ALOX5: variants seen among roughly 807,000 people sequenced by gnomAD.
ALOX5 encodes the protein arachidonate 5-lipoxygenase.
ALOX5 carries 64 observed loss-of-function variants against 87.9 expected under a neutral mutation model. The observed-to-expected ratio is 0.73, with a 90% CI of 0.60 to 0.90. ALOX5 has a LOEUF of 0.90. Ranked by LOEUF, ALOX5 falls within the 40% of genes least tolerant of loss-of-function variation. The probability of loss-of-function intolerance (pLI) is 0.00; values close to 1 mark genes in which losing one functional copy is unlikely to be tolerated. For synonymous variants in ALOX5, 388 were observed against 355.1 expected, an observed-to-expected ratio of 1.09 and a Z score of -1.04; for missense variants, 822 against 907.5, an observed-to-expected ratio of 0.91 and a Z score of 1.21.
chr10:45,440,154 CTG>C (rs1464469797), intron 7 of ALOX5, among the ~76,000 whole-genome samples: 1 of 152,220 alleles, frequency 6.6e-6, no homozygotes, highest in African/African-American at 2.4e-5. Context: ...TCCTGAGTAA[CTG>C]TGAGCCGAGC....
intron 3 of ALOX5, among the ~76,000 whole-genome samples, chr10:45,403,020 G>C (rs1479672450): frequency 6.6e-6 from 1 of 152,158 alleles, no homozygotes; most frequent in Non-Finnish European, 1.5e-5. Flanking sequence ...GATCCAGAGG[G>C]CTGGGAACAC....
intron 2 of ALOX5, among the ~76,000 whole-genome samples, chr10:45,386,138 A>G (rs1840000650): frequency 6.6e-6 from 1 of 152,066 alleles, no homozygotes; most frequent in African/African-American, 2.4e-5. Flanking sequence ...CGTCTCTACT[A>G]AAAATACAAA....
chr10:45,414,577 A>G (rs1318671015), intron 4 of ALOX5, among the ~76,000 whole-genome samples: 1 of 152,240 alleles, frequency 6.6e-6, no homozygotes, highest in East Asian at 1.9e-4. Context: ...CAAAAGCCAA[A>G]ATGGACAAAT....
At position 45,424,963 on chromosome 10, in the gene ALOX5, G is replaced by A. The variant is rs759477547; in HGVS notation, c.665G>A (p.Arg222Gln). ...GGCCTCGCTTTTCTCCTGGTAGAGC[G>A]GGTCATGAATCACTGGCAGGAAGAC... Reference protein sequence around the residue: ...FVKISNTISERVMNHWQEDLM... With the variant: ...FVKISNTISEQVMNHWQEDLM... The change falls in exon 6 of 14, where the codon CGG becomes CAG. Residue 222 changes from arginine (R) to glutamine (Q), a missense_variant. Coordinates refer to ENST00000374391, the MANE Select transcript of ALOX5 (RefSeq NM_000698.5). The A allele has an allele frequency of 4.3e-6, 7 of 1,614,088 alleles. No homozygotes were observed. The highest frequency in any genetic ancestry group is 2.2e-5 in the South Asian group (2 of 91,090).
intron 7 of ALOX5, among the ~76,000 whole-genome samples, chr10:45,439,908 G>A (rs1402840942): frequency 6.6e-6 from 1 of 152,182 alleles, no homozygotes; most frequent in Non-Finnish European, 1.5e-5. Flanking sequence ...TCAGTACCAG[G>A]AGGGCCCCAA....
chr10:45,413,529 G>GCA (rs1204770986), intron 4 of ALOX5, among the ~76,000 whole-genome samples: 1 of 152,152 alleles, frequency 6.6e-6, no homozygotes, highest in African/African-American at 2.4e-5. Flanking sequence ...TTGAAAACTG[G>GCA]CACAAGACAG....
intron 7 of ALOX5, among the ~76,000 whole-genome samples, chr10:45,435,050 C>T (rs1329513236): frequency 5.3e-5 from 8 of 152,218 alleles, no homozygotes; most frequent in Non-Finnish European, 1.0e-4. Flanking sequence ...GTTCTGGCAT[C>T]CCATGGCAGG....
At chr10:45,411,704 A>T (rs566005861) in intron 3 of ALOX5, among the ~76,000 whole-genome samples, 1 of 152,310 alleles carries the variant, frequency 6.6e-6, no homozygotes, top group East Asian at 1.9e-4. Flanking sequence ...TCCTATTGTG[A>T]AGGCAGAAGA....
rs746902367 is a variant in ALOX5, at chr10:45,443,462, G to A, written c.1498G>A (p.Val500Met). ...VDIYYEGDQV[V>M]EEDPELQDFV... ...CATCTACTACGAGGGCGACCAGGTG[G>A]TGGAGGAGGACCCGGAGCTGCAGGA... is the stretch of plus-strand genomic sequence containing the variant. The change falls in exon 11 of 14, where the codon GTG (valine) becomes ATG (methionine). Residue 500 changes from valine (V) to methionine (M), a missense_variant. Physicochemically the swap from Val to Met is conservative, Grantham distance 21. Transcript: ENST00000374391. The A allele has an allele frequency of 3.0e-5, 49 of 1,612,688 alleles. No homozygotes were observed. The highest frequency in any genetic ancestry group is 3.6e-5 in the Non-Finnish European group (43 of 1,179,422).
chr10:45,374,811 C>G (rs938746339), intron 1 of ALOX5, among the ~76,000 whole-genome samples: 1 of 152,170 alleles, frequency 6.6e-6, no homozygotes, highest in Admixed American at 6.5e-5. Flanking sequence ...TGTGCCACCT[C>G]TTCCTTAGGC....
rs996148558 is a variant in ALOX5, at chr10:45,425,839, C to T, written c.834+707C>T. On this transcript the variant is annotated intron_variant, in intron 6 of 13. Coordinates refer to ENST00000374391, the MANE Select transcript of ALOX5 (RefSeq NM_000698.5). The surrounding 1 kb of genome is among the most constrained non-coding windows in gnomAD (Gnocchi z 4.4). Reference sequence around the variant, plus strand: ...TGCCTATCCCCAGGTGTCCAGGTGGCCTCTGCTGCTTCCAGTCTTTTGAGC... The same window carrying T: ...TGCCTATCCCCAGGTGTCCAGGTGGTCTCTGCTGCTTCCAGTCTTTTGAGC... Among the ~76,000 whole-genome samples the T allele has an allele frequency of 1.3e-5, 2 of 152,224 alleles. No individual in the cohort carries two copies. The highest frequency in any genetic ancestry group is 4.8e-5 in the African/African-American group (2 of 41,452).
At chr10:45,391,881 G>A (rs570821145) in intron 2 of ALOX5, among the ~76,000 whole-genome samples, 19 of 115,434 alleles carry the variant, frequency 1.6e-4, no homozygotes, top group Admixed American at 2.4e-4. Flanking sequence ...CCCTCCGCCC[G>A]GCAGCCGCCC....
chr10:45,374,417 C>G lies in ALOX5; in HGVS notation c.138C>G (p.Phe46Leu). 6.4e-7 allele frequency: 1 copy of G among 1,557,670 alleles called. No homozygotes were observed. The highest frequency in any genetic ancestry group is 8.6e-7 in the Non-Finnish European group (1 of 1,157,794). ...TGGACAAGCCCTTCTACAACGACTT[C>G]GAGCGTGGCGCGGTGAGCGCGGGCG... ...HLLDKPFYND[F>L]ERGAVDSYDV... Residue 46 changes from phenylalanine to leucine, a missense_variant, in exon 1 of 14, where the codon TTC (phenylalanine) becomes TTG (leucine). Physicochemically the swap from Phe to Leu is conservative, Grantham distance 22 (BLOSUM62 0). Coordinates refer to ENST00000374391, the MANE Select transcript of ALOX5 (RefSeq NM_000698.5).
intron 4 of ALOX5, among the ~76,000 whole-genome samples, chr10:45,414,680 A>G (rs1156786720): frequency 1.3e-5 from 2 of 152,232 alleles, no homozygotes; most frequent in African/African-American, 4.8e-5. Flanking sequence ...AAATTTTGCA[A>G]TCTACTCAGC....
chr10:45,440,623 C>G lies in ALOX5; in HGVS notation c.1175C>G (p.Pro392Arg). Residue 392 changes from proline (P) to arginine (R), a missense_variant, in exon 8 of 14, where the codon CCC becomes CGC. Pro to Arg is a moderately radical substitution (Grantham distance 103). Transcript: ENST00000374391. ...AMYRQLPAVH[P>R]IFKLLVAHVR... ...TACCGCCAGCTGCCTGCTGTGCACC[C>G]CATTTTCAAGGTACAGCCAGCTACC... The G allele has an allele frequency of 6.2e-7, 1 of 1,614,142 alleles. No individual in the cohort carries two copies. The highest frequency in any genetic ancestry group is 1.1e-5 in the South Asian group (1 of 91,072).
Position 45,444,163 on chromosome 10 carries a change from C to A in ALOX5, c.1722C>A (p.Ala574=). The A allele has an allele frequency of 6.4e-7, 1 of 1,556,052 alleles. No individual in the cohort carries two copies. The highest frequency in any genetic ancestry group is 8.7e-7 in the Non-Finnish European group (1 of 1,149,954). ...WIPNAPPTMR[A]PPPTAKGVVT... ...CCAATGCGCCCCCAACCATGCGAGC[C>A]CCGCCACCGACTGCCAAGGGCGTGG... Residue 574 remains alanine, a synonymous_variant, in exon 13 of 14, where the codon GCC becomes GCA. Transcript: ENST00000374391.
At chr10:45,423,490 ACT>A (rs1388057826) in intron 4 of ALOX5, among the ~76,000 whole-genome samples, 1 of 151,844 alleles carries the variant, frequency 6.6e-6, no homozygotes, top group Non-Finnish European at 1.5e-5. Context: ...TTGCTCATAC[ACT>A]CACATCTCAC....
In ALOX5 at chr10:45,440,486, C is replaced by T. The variant is rs371711392; in HGVS notation, c.1038C>T (p.Tyr346=). The change falls in exon 8 of 14, where the codon TAC becomes TAT. Residue 346 remains tyrosine (Y), a synonymous_variant. Coordinates refer to ENST00000374391, the MANE Select transcript of ALOX5 (RefSeq NM_000698.5). ...NPIFLPSDAK[Y]DWLLAKIWVR... The stretch of plus-strand genomic sequence containing the variant: ...TTTTCCTCCCTTCGGATGCAAAATA[C>T]GACTGGCTTTTGGCCAAAATCTGGG... 47 of 1,614,114 alleles carry T rather than the reference C, an allele frequency of 2.9e-5. No homozygotes were observed. Among genetic ancestry groups the T allele is most frequent in the East Asian group, 1.8e-4 (8 of 44,902 alleles).
intron 7 of ALOX5, among the ~76,000 whole-genome samples, chr10:45,437,810 G>A (rs961487504): frequency 1.3e-5 from 2 of 152,242 alleles, no homozygotes; most frequent in South Asian, 2.1e-4. Context: ...GACAGGACAC[G>A]GTAGCAGGGA....
Sources: gnomAD v4.1 joint callset for allele counts (sites outside exome capture counted in the v4.1 genomes callset) on GRCh38, gnomAD v4.1.1 for gene constraint, Gnocchi (gnomAD v3.1) non-coding constraint, MANE v1.5 for transcripts, NCBI Gene and HGNC (gene_info 2026-07-23, HGNC 2026-07-21) for gene names.